The following PLXNA4 variants were observed in gnomAD, a reference collection of about 807,000 sequenced individuals.
The protein encoded by PLXNA4 is plexin-A4.
PLXNA4 carries 44 observed loss-of-function variants against 191.8 expected under a neutral mutation model. The ratio of observed to expected loss-of-function variants is 0.23; its 90% CI spans 0.18 to 0.29. The LOEUF (loss-of-function observed/expected upper bound fraction) is 0.29, where lower values mean the gene tolerates loss of function less well. PLXNA4 is among the 10% of genes least tolerant of loss of function. The pLI is 1.00. For synonymous variants in PLXNA4, 1,082 were observed against 1,009.5 expected (o/e 1.07, Z -1.36); for missense variants, 1,800 against 2,488.8 (o/e 0.72, Z 5.89).
intron 5 of PLXNA4, among the ~76,000 whole-genome samples, chr7:132,240,777 C>T (rs1798850987): frequency 6.6e-6 from 1 of 152,216 alleles, no homozygotes; most frequent in Non-Finnish European, 1.5e-5. Context: ...CCTGCTTCCT[C>T]CAGCCCTCCA....
intron 3 of PLXNA4, among the ~76,000 whole-genome samples, chr7:132,373,649 C>T (rs1804538300): frequency 6.6e-6 from 1 of 152,146 alleles, no homozygotes; most frequent in Admixed American, 6.5e-5. Context: ...AACCCCTGGG[C>T]CTTCACTGTG....
At chr7:132,445,383 C>T (rs1297944160) in intron 3 of PLXNA4, among the ~76,000 whole-genome samples, 1 of 151,596 alleles carries the variant, frequency 6.6e-6, no homozygotes, top group African/African-American at 2.4e-5. Flanking sequence ...CTTGCCACAG[C>T]CGAGTGAGCG....
intron 12 of PLXNA4, 55 bp from the exon 13 acceptor site, chr7:132,198,691 G>T (rs911344140): frequency 1.3e-6 from 2 of 1,596,538 alleles, no homozygotes; most frequent in Non-Finnish European, 8.5e-7. Flanking sequence ...CCACTCACTT[G>T]CTGATGAGGC....
intron 4 of PLXNA4, among the ~76,000 whole-genome samples, chr7:132,256,919 AGCTGTACATG>A (rs1442937917): frequency 2.0e-5 from 3 of 152,224 alleles, no homozygotes; most frequent in African/African-American, 7.2e-5. Context: ...AACACTGGAC[AGCTGTACATG>A]GCTTCCCCAT....
intron 3 of PLXNA4, among the ~76,000 whole-genome samples, chr7:132,458,427 A>G (rs541814621): frequency 1.3e-5 from 2 of 152,198 alleles, no homozygotes; most frequent in Middle Eastern, 3.4e-3. Flanking sequence ...TTCATCAACA[A>G]TAACATGGAA....
chr7:132,252,364 T>C (rs1799285204), intron 4 of PLXNA4, among the ~76,000 whole-genome samples: 1 of 133,392 alleles, frequency 7.5e-6, no homozygotes, highest in Admixed American at 9.2e-5. Flanking sequence ...CAGGCTGGAG[T>C]GCAGTGGTGT....
chr7:132,430,894 C>A (rs1248770760), intron 3 of PLXNA4, among the ~76,000 whole-genome samples: 1 of 152,178 alleles, frequency 6.6e-6, no homozygotes, highest in Non-Finnish European at 1.5e-5. Context: ...ACAGGAGCAG[C>A]AGCCTCGGCC....
intron 3 of PLXNA4, among the ~76,000 whole-genome samples, chr7:132,313,828 T>C (rs1302823277): frequency 6.6e-6 from 1 of 152,148 alleles, no homozygotes; most frequent in Non-Finnish European, 1.5e-5. Context: ...ACGACCACCA[T>C]GGCAGGCTGG....
chr7:132,210,146 G>A (rs1173097387), intron 10 of PLXNA4, among the ~76,000 whole-genome samples: 1 of 152,208 alleles, frequency 6.6e-6, no homozygotes, highest in Non-Finnish European at 1.5e-5. Flanking sequence ...ACTTGAAAAT[G>A]TTCTGAATCT....
chr7:132,250,920 G>C (rs1489787385), intron 4 of PLXNA4, among the ~76,000 whole-genome samples: 2 of 152,112 alleles, frequency 1.3e-5, no homozygotes, highest in Non-Finnish European at 2.9e-5. Flanking sequence ...TTAAGGTCAG[G>C]GCTGAAGCAG....
At chr7:132,386,290 G>A (rs774906635) in intron 3 of PLXNA4, among the ~76,000 whole-genome samples, 5 of 152,180 alleles carry the variant, frequency 3.3e-5, no homozygotes, top group African/African-American at 4.8e-5. Flanking sequence ...CCTCTGCAGG[G>A]AGAACACCGG....
chr7:132,358,018 A>AT (rs966283113), intron 3 of PLXNA4, among the ~76,000 whole-genome samples: 3 of 152,102 alleles, frequency 2.0e-5, no homozygotes, highest in Admixed American at 6.5e-5. Context: ...ACAACAATAT[A>AT]TTTTTTTCCC....
intron 4 of PLXNA4, among the ~76,000 whole-genome samples, chr7:132,260,759 A>C (rs1483274145): frequency 6.6e-6 from 1 of 152,048 alleles, no homozygotes; most frequent in Non-Finnish European, 1.5e-5. Flanking sequence ...AGCACAGAGA[A>C]TTTTTAGGGC....
chr7:132,585,226 G>A (rs1350609027), intron 2 of PLXNA4, among the ~76,000 whole-genome samples: 5 of 152,170 alleles, frequency 3.3e-5, no homozygotes, highest in Non-Finnish European at 7.3e-5. Flanking sequence ...TTTAGATCAA[G>A]TCAAAGGAAA....
intron 2 of PLXNA4, among the ~76,000 whole-genome samples, chr7:132,632,414 A>G (rs1250809810): frequency 1.3e-5 from 2 of 152,174 alleles, no homozygotes; most frequent in Non-Finnish European, 2.9e-5. Flanking sequence ...TAAAGTAGCT[A>G]CTATATTATT....
At chr7:132,151,943 C>A (rs1259425618) in intron 25 of PLXNA4, among the ~76,000 whole-genome samples, 1 of 152,200 alleles carries the variant, frequency 6.6e-6, no homozygotes, top group Non-Finnish European at 1.5e-5. Flanking sequence ...CTTACTTTTA[C>A]CCTGTTGGCC....
intron 3 of PLXNA4, among the ~76,000 whole-genome samples, chr7:132,349,276 C>A (rs1803384730): frequency 6.6e-6 from 1 of 152,140 alleles, no homozygotes; most frequent in East Asian, 1.9e-4. Context: ...CCACGTCACT[C>A]CCTACTGAAA....
chr7:132,163,105 C>A (rs1003934649), intron 24 of PLXNA4, among the ~76,000 whole-genome samples: 4 of 152,174 alleles, frequency 2.6e-5, no homozygotes, highest in African/African-American at 9.7e-5. Flanking sequence ...TGCATATCAC[C>A]CCCAACACTC....
chr7:132,510,694 T>G (rs1156384083), intron 1 of PLXNA4, among the ~76,000 whole-genome samples: 1 of 152,056 alleles, frequency 6.6e-6, no homozygotes, highest in Non-Finnish European at 1.5e-5. Flanking sequence ...GCAGGAGGCC[T>G]TGGGGAGGGC....
Sources: allele counts gnomAD v4.1 joint callset (sites outside exome capture counted in the v4.1 genomes callset), GRCh38; gene constraint gnomAD v4.1.1; transcripts MANE v1.5; gene names NCBI Gene and HGNC (gene_info 2026-07-23, HGNC 2026-07-21).